Variants in AFF3 observed in about 807,000 individuals in gnomAD.
AFF3 encodes ALF transcription elongation factor 3.
AFF3 carries 32 observed loss-of-function variants against 129.7 expected under a neutral mutation model. The ratio of observed to expected loss-of-function variants is 0.25; its 90% CI spans 0.19 to 0.33. AFF3 has a LOEUF of 0.33. Ranked by LOEUF, AFF3 falls within the 10% of genes least tolerant of loss-of-function variation. The probability of loss-of-function intolerance (pLI) is 1.00; values close to 1 mark genes in which losing one functional copy is unlikely to be tolerated. For synonymous variants in AFF3, 644 were observed against 635.4 expected (o/e 1.01, Z -0.20); for missense variants, 1,373 against 1,592.0 (o/e 0.86, Z 2.34).
Position 99,755,509 on chromosome 2 carries a change from C to T in AFF3, c.922-3208G>A, listed in dbSNP as rs1023662914. Among the ~76,000 whole-genome samples, 5 of 152,210 alleles carry T rather than the reference C, an allele frequency of 3.3e-5. No individual in the cohort carries two copies. The East Asian group carries it at 5.8e-4, about 18-fold the overall frequency. ...CTCGAACTTCCGACCTCAGGTGATC[C>T]GCCTGCCTTGGCCTGCCAAAGTGCT... On this transcript the variant is annotated intron_variant, in intron 8 of 24. Transcript: ENST00000672756.
chr2:100,106,173 A>C, intron 2 of AFF3: 1 of 1,200,524 alleles, frequency 8.3e-7, no homozygotes, highest in Non-Finnish European at 1.1e-6. Context: ...CTCTGAATCA[A>C]TCCTTTCTTC....
intron 7 of AFF3, among the ~76,000 whole-genome samples, chr2:99,958,394 G>A (rs1229359137): frequency 6.6e-6 from 1 of 151,674 alleles, no homozygotes; most frequent in Non-Finnish European, 1.5e-5. Context: ...TCGAGAGGCT[G>A]AGGCAGGAGA....
chr2:99,888,236 A>C (rs190484038), intron 7 of AFF3, among the ~76,000 whole-genome samples: 83 of 152,362 alleles, frequency 5.4e-4, no homozygotes, highest in Middle Eastern at 3.4e-3. Flanking sequence ...AAATGAAGAG[A>C]GCAGATGATG....
chr2:99,892,617 C>T (rs577028803), intron 7 of AFF3, among the ~76,000 whole-genome samples: 4 of 152,302 alleles, frequency 2.6e-5, no homozygotes, highest in African/African-American at 9.6e-5. Flanking sequence ...CTGCCTGCAT[C>T]AACCTGCTCT....
intron 7 of AFF3, among the ~76,000 whole-genome samples, chr2:99,887,672 TTAAA>T (rs1205824056): frequency 2.0e-5 from 3 of 152,368 alleles, no homozygotes; most frequent in Admixed American, 2.0e-4. Context: ...ATGTTTAGCA[TTAAA>T]TAAATATTTA....
chr2:99,793,754 T>C (rs1685370742), intron 8 of AFF3, among the ~76,000 whole-genome samples: 1 of 152,212 alleles, frequency 6.6e-6, no homozygotes, highest in South Asian at 2.1e-4. Flanking sequence ...TCAGTATCTT[T>C]GTCCATTTTC....
chr2:99,910,185 C>T (rs966140879), intron 7 of AFF3, among the ~76,000 whole-genome samples: 1 of 152,084 alleles, frequency 6.6e-6, no homozygotes, highest in Non-Finnish European at 1.5e-5. Flanking sequence ...ATTAAAATGA[C>T]CATTCAGGAG....
intron 13 of AFF3, among the ~76,000 whole-genome samples, chr2:99,630,236 G>A (rs973310453): frequency 5.3e-5 from 8 of 152,178 alleles, no homozygotes; most frequent in Non-Finnish European, 1.0e-4. Flanking sequence ...ATGAGGATGC[G>A]CTGCATGAAG....
chr2:100,052,321 G>A, intron 4 of AFF3, among the ~76,000 whole-genome samples: 1 of 152,192 alleles, frequency 6.6e-6, no homozygotes, highest in East Asian at 1.9e-4. Flanking sequence ...ACTTACATTG[G>A]GAAGTTACGA....
chr2:99,890,189 T>C (rs530548429), intron 7 of AFF3, among the ~76,000 whole-genome samples: 1 of 152,284 alleles, frequency 6.6e-6, no homozygotes, highest in East Asian at 1.9e-4. Flanking sequence ...CCAGCGGTGC[T>C]CTGTGAATTT....
intron 1 of AFF3, among the ~76,000 whole-genome samples, chr2:100,131,855 G>C (rs1402716324): frequency 6.6e-6 from 1 of 152,210 alleles, no homozygotes; most frequent in Non-Finnish European, 1.5e-5. Context: ...CTTGTTCTAA[G>C]AAGGGTTCAT....
intron 4 of AFF3, among the ~76,000 whole-genome samples, chr2:100,063,252 C>CAAAAAAA (rs33964775): frequency 2.0e-5 from 2 of 101,752 alleles, no homozygotes; most frequent in Non-Finnish European, 1.9e-5. Flanking sequence ...AACTCCATCT[C>CAAAAAAA]AAAAAAAAAA....
At chr2:99,981,364 A>G (rs1240411132) in intron 7 of AFF3, among the ~76,000 whole-genome samples, 1 of 152,124 alleles carries the variant, frequency 6.6e-6, no homozygotes, top group Non-Finnish European at 1.5e-5. Flanking sequence ...ATTTTTTCCA[A>G]TTCCTTGAAG....
intron 2 of AFF3, chr2:100,106,030 C>A: frequency 7.6e-7 from 1 of 1,319,592 alleles, no homozygotes; most frequent in South Asian, 1.2e-5. Flanking sequence ...CATCCTCTCA[C>A]CTCACCCACC....
intron 7 of AFF3, among the ~76,000 whole-genome samples, chr2:99,982,168 C>T (rs976771079): frequency 6.6e-6 from 1 of 152,134 alleles, no homozygotes; most frequent in South Asian, 2.1e-4. Context: ...TTGGCTGTGT[C>T]CCCACCCAAA....
intron 8 of AFF3, among the ~76,000 whole-genome samples, chr2:99,772,489 A>G (rs778164522): frequency 2.8e-4 from 42 of 152,238 alleles, no homozygotes; most frequent in Non-Finnish European, 5.3e-4. Flanking sequence ...GGAGAGAAAC[A>G]GAAAGTATTT....
intron 4 of AFF3, among the ~76,000 whole-genome samples, chr2:100,014,269 T>G (rs1407895472): frequency 1.3e-5 from 2 of 152,128 alleles, no homozygotes; most frequent in Admixed American, 1.3e-4. Flanking sequence ...CTGATATGTC[T>G]CCAGGGTTGT....
intron 13 of AFF3, among the ~76,000 whole-genome samples, chr2:99,632,845 T>C (rs1683253959): frequency 6.6e-6 from 1 of 152,330 alleles, no homozygotes; most frequent in South Asian, 2.1e-4. Context: ...TCCTTGTCTA[T>C]GAAAATATTT....
chr2:99,883,146 G>C (rs1276350274), intron 7 of AFF3, among the ~76,000 whole-genome samples: 1 of 152,070 alleles, frequency 6.6e-6, no homozygotes, highest in Admixed American at 6.6e-5. Context: ...TGCAACCCAG[G>C]GAAGGGATGG....
Sources: allele counts gnomAD v4.1 joint callset (sites outside exome capture counted in the v4.1 genomes callset), GRCh38; gene constraint gnomAD v4.1.1; transcripts MANE v1.5; gene names NCBI Gene and HGNC (gene_info 2026-07-23, HGNC 2026-07-21).